Variants in ACSM5 observed in about 807,000 individuals in gnomAD.
ACSM5 encodes the protein acyl-CoA synthetase medium chain family member 5.
In ACSM5, 56 loss-of-function variants were observed where a neutral mutation model predicts 71.6. The ratio of observed to expected loss-of-function variants is 0.78; its 90% CI spans 0.63 to 0.98. The LOEUF is 0.98. ACSM5 is among the 50% of genes least tolerant of loss of function. The pLI, the probability that ACSM5 is intolerant of heterozygous loss-of-function variation, is 0.00. For synonymous variants in ACSM5, 285 were observed against 281.5 expected, an observed-to-expected ratio of 1.01 and a Z score of -0.12; for missense variants, 723 against 726.0, an observed-to-expected ratio of 1.00 and a Z score of 0.05.
chr16:20,422,247 G>A (rs1475922874), intron 5 of ACSM5, among the ~76,000 whole-genome samples: 1 of 151,990 alleles, frequency 6.6e-6, no homozygotes, highest in Non-Finnish European at 1.5e-5. Context: ...AGATAGCTGG[G>A]GTTACAGGTG....
intron 10 of ACSM5, among the ~76,000 whole-genome samples, chr16:20,431,951 A>ATAATAATAATAATAAT (rs1212880644): frequency 0.012 from 1,672 of 140,734 alleles, 66 homozygotes; most frequent in South Asian, 0.03. Context: ...TATCAAAAAA[A>ATAATAATAATAATAAT]AAAAATAATA....
intron 4 of ACSM5, among the ~76,000 whole-genome samples, chr16:20,420,842 A>C (rs1190516884): frequency 6.6e-6 from 1 of 152,210 alleles, no homozygotes; most frequent in African/African-American, 2.4e-5. Context: ...TCCAGATCAC[A>C]GAACTTTGGG....
At position 20,411,471 on chromosome 16, in the gene ACSM5, C is replaced by A; in HGVS notation, c.-14C>A. On this transcript the variant is annotated splice_region_variant and 5_prime_UTR_variant, in exon 2 of 14. Transcript: ENST00000331849. ...CCTCTTTCCTCTCTTTGGTGACAGA[C>A]AGGAGGCGACTGCATGAGACCATGG... is the stretch of plus-strand genomic sequence containing the variant. The A allele has an allele frequency of 6.2e-7, 1 of 1,612,986 alleles. No individual in the cohort carries two copies. Among genetic ancestry groups the A allele is most frequent in the Non-Finnish European group, 8.5e-7 (1 of 1,179,392 alleles).
chr16:20,431,759 T>C (rs1411006271), intron 10 of ACSM5, among the ~76,000 whole-genome samples: 1 of 152,034 alleles, frequency 6.6e-6, no homozygotes, highest in Non-Finnish European at 1.5e-5. Context: ...AACACCAGCC[T>C]GGTCAGCATA....
At chr16:20,419,495 A>G (rs35908732) in intron 4 of ACSM5, 60 bp downstream of exon 4, 158 of 1,509,362 alleles carry the variant, frequency 1.0e-4, no homozygotes, top group Non-Finnish European at 1.2e-4. Context: ...TAAGCAACAA[A>G]AGATGAAATG....
intron 10 of ACSM5, among the ~76,000 whole-genome samples, chr16:20,433,595 G>A (rs2141659021): frequency 6.6e-6 from 1 of 151,960 alleles, no homozygotes; most frequent in East Asian, 1.9e-4. Context: ...AAAGAAGAGA[G>A]AAAAAATTTT....
chr16:20,437,909 G>A (rs377119820), intron 12 of ACSM5, among the ~76,000 whole-genome samples: 1 of 149,704 alleles, frequency 6.7e-6, no homozygotes. Flanking sequence ...TGCAACCTCC[G>A]CCTCCCAGGT....
chr16:20,419,775 A>G, intron 4 of ACSM5: 1 of 370,046 alleles, frequency 2.7e-6, no homozygotes, highest in South Asian at 2.4e-5. Flanking sequence ...GTGGCCATGT[A>G]TTGGGTACTT....
chr16:20,409,711 G>A (rs1966843724), intron 1 of ACSM5, 46 bp downstream of exon 1: 1 of 152,178 alleles, frequency 6.6e-6, no homozygotes. Flanking sequence ...AGCTGCCTCT[G>A]AGGCCTTTGC....
chr16:20,427,535 A>C (rs764328708), intron 6 of ACSM5, among the ~76,000 whole-genome samples: 2 of 152,244 alleles, frequency 1.3e-5, no homozygotes, highest in Non-Finnish European at 2.9e-5. Flanking sequence ...GAATCTTGAA[A>C]GTGGTATTCA....
intron 8 of ACSM5, 109 bp from the exon 9 acceptor site, chr16:20,430,884 A>G: frequency 1.4e-6 from 1 of 727,526 alleles, no homozygotes; most frequent in East Asian, 2.6e-5. Flanking sequence ...GAGGGAGGAG[A>G]AAAAAGAGGA....
intron 6 of ACSM5, among the ~76,000 whole-genome samples, chr16:20,427,541 A>G (rs1363185031): frequency 2.0e-5 from 3 of 152,246 alleles, no homozygotes. Context: ...TGAAAGTGGT[A>G]TTCATCACCT....
rs1166362191 is a variant in ACSM5, at chr16:20,421,303, C to T, written c.669C>T (p.Asp223=). The T allele has an allele frequency of 3.7e-6, 6 of 1,607,604 alleles. No individual in the cohort carries two copies. In the East Asian group the frequency reaches 9.0e-5, roughly 24 times the overall value. ...EHNCMRTKSR[D]PLAIYFTSGT... ...ACTGCATGAGGACAAAGAGTCGAGA[C>T]CCGCTGGCCATCTACTTTACCAGCG... The change falls in exon 5 of 14, where the codon GAC becomes GAT. Residue 223 remains aspartate (D), a synonymous_variant. Transcript: ENST00000331849.
chr16:20,431,474 G>A (rs1008764590), intron 10 of ACSM5, among the ~76,000 whole-genome samples, 153 bp downstream of exon 10: 1 of 152,166 alleles, frequency 6.6e-6, no homozygotes, highest in Admixed American at 6.5e-5. Context: ...TGATAAGGAA[G>A]ACTATTATTG....
chr16:20,430,634 AG>A, intron 8 of ACSM5, among the ~76,000 whole-genome samples: 1 of 152,144 alleles, frequency 6.6e-6, no homozygotes, highest in East Asian at 1.9e-4. Context: ...GATGAATGGA[AG>A]GAAGGAAATA....
chr16:20,414,817 G>C (rs1294688231), intron 2 of ACSM5, among the ~76,000 whole-genome samples: 1 of 152,164 alleles, frequency 6.6e-6, no homozygotes, highest in East Asian at 1.9e-4. Flanking sequence ...TAATGATTTT[G>C]CTAGCGACAC....
chr16:20,412,497 CTTCT>C (rs1247541358), intron 2 of ACSM5, among the ~76,000 whole-genome samples: 1 of 152,202 alleles, frequency 6.6e-6, no homozygotes, highest in African/African-American at 2.4e-5. Flanking sequence ...CATCTGCTTT[CTTCT>C]TTATTTTCCC....
intron 12 of ACSM5, 41 bp downstream of exon 12, chr16:20,437,408 C>T (rs1967225331): frequency 3.0e-6 from 4 of 1,354,228 alleles, no homozygotes; most frequent in East Asian, 2.3e-5. Flanking sequence ...TGCTTCTGTA[C>T]CTATTAGCAC....
chr16:20,430,794 C>T (rs150216898), intron 8 of ACSM5, among the ~76,000 whole-genome samples, 199 bp from the exon 9 acceptor site: 1 of 142,538 alleles, frequency 7.0e-6, no homozygotes, highest in Non-Finnish European at 1.5e-5. Context: ...AAGGAGTGAG[C>T]AAGGAAGAAA....
Sources: allele counts gnomAD v4.1 joint callset (sites outside exome capture counted in the v4.1 genomes callset), GRCh38; gene constraint gnomAD v4.1.1; transcripts MANE v1.5; gene names NCBI Gene and HGNC (gene_info 2026-07-23, HGNC 2026-07-21).